MEF2A: variants seen among roughly 807,000 people sequenced by gnomAD.
MEF2A encodes myocyte enhancer factor 2A.
MEF2A carries 28 observed loss-of-function variants against 55.8 expected under a neutral mutation model. That is an observed-to-expected ratio of 0.50 (90% confidence interval 0.37 to 0.69). MEF2A has a LOEUF of 0.69. Among genes scored for constraint, MEF2A ranks in the 30% least tolerant of loss-of-function variants. MEF2A has a pLI of 0.00. For missense variants in MEF2A, 528 were observed against 626.2 expected (o/e 0.84, Z 1.67); for synonymous variants, 239 against 227.1 (o/e 1.05, Z -0.47).
intron 1 of MEF2A, among the ~76,000 whole-genome samples, chr15:99,572,712 G>C (rs953330647): frequency 6.6e-6 from 1 of 152,194 alleles, no homozygotes; most frequent in Non-Finnish European, 1.5e-5. Flanking sequence ...TCTTAGCTCA[G>C]ATGTCATCTG....
intron 4 of MEF2A, among the ~76,000 whole-genome samples, chr15:99,662,050 A>C (rs2048742461): frequency 6.6e-6 from 1 of 152,346 alleles, no homozygotes; most frequent in South Asian, 2.1e-4. Flanking sequence ...TATCATTCAC[A>C]AATAGGCATA....
intron 7 of MEF2A, among the ~76,000 whole-genome samples, chr15:99,677,173 ATTAT>A (rs1209682854): frequency 1.3e-5 from 2 of 152,052 alleles, no homozygotes; most frequent in African/African-American, 4.8e-5. Flanking sequence ...CTCAGACCTT[ATTAT>A]TTCTAACTTG....
At chr15:99,631,441 A>G (rs576885710) in intron 2 of MEF2A, among the ~76,000 whole-genome samples, 1 of 152,204 alleles carries the variant, frequency 6.6e-6, no homozygotes, top group Non-Finnish European at 1.5e-5. Flanking sequence ...GCTTTTGTAC[A>G]TGTTGTTCTC....
At chr15:99,628,119 T>G (rs1238221590) in intron 2 of MEF2A, among the ~76,000 whole-genome samples, 1 of 152,218 alleles carries the variant, frequency 6.6e-6, no homozygotes, top group Non-Finnish European at 1.5e-5. Context: ...TGTTGTTAGG[T>G]ACACTCAGAT....
At chr15:99,625,712 T>G (rs1305058699) in intron 2 of MEF2A, among the ~76,000 whole-genome samples, 1 of 152,150 alleles carries the variant, frequency 6.6e-6, no homozygotes, top group African/African-American at 2.4e-5. Context: ...CAAATCCTTT[T>G]TCAGTACTAA....
chr15:99,576,934 A>T (rs1303894200), intron 1 of MEF2A, among the ~76,000 whole-genome samples: 2 of 152,226 alleles, frequency 1.3e-5, no homozygotes, highest in East Asian at 3.8e-4. Flanking sequence ...GGCGTGAGCC[A>T]CCACGCCTGG....
chr15:99,682,546 A>G (rs1466529344), intron 7 of MEF2A, among the ~76,000 whole-genome samples: 1 of 152,206 alleles, frequency 6.6e-6, no homozygotes, highest in African/African-American at 2.4e-5. Context: ...GAAGGTACAT[A>G]TTAGGGTATA....
intron 7 of MEF2A, among the ~76,000 whole-genome samples, chr15:99,681,518 A>G (rs1036320): frequency 0.96 from 145,463 of 152,300 alleles, 69,832 homozygotes; most frequent in East Asian, 1. Flanking sequence ...GAAGTTGTAT[A>G]TGCTTCAGCA....
intron 4 of MEF2A, among the ~76,000 whole-genome samples, chr15:99,646,668 A>G (rs72760529): frequency 0.027 from 4,045 of 152,182 alleles, 76 homozygotes; most frequent in Non-Finnish European, 0.041. Flanking sequence ...TGGTATTTCT[A>G]ATATTTAAAA....
chr15:99,658,631 A>G (rs539291605), intron 4 of MEF2A, among the ~76,000 whole-genome samples: 6 of 152,132 alleles, frequency 3.9e-5, no homozygotes, highest in South Asian at 2.1e-4. Flanking sequence ...AAAACTCTAT[A>G]TAGACATAGT....
intron 4 of MEF2A, among the ~76,000 whole-genome samples, chr15:99,656,010 A>AT (rs1237575661): frequency 1.3e-4 from 20 of 152,138 alleles, no homozygotes; most frequent in Admixed American, 1.3e-3. Flanking sequence ...CTCAGTAAAG[A>AT]TTCAGCACAC....
intron 8 of MEF2A, among the ~76,000 whole-genome samples, chr15:99,698,932 G>A (rs1402107906): frequency 6.6e-6 from 1 of 151,626 alleles, no homozygotes; most frequent in Admixed American, 6.6e-5. Flanking sequence ...ATATACACTT[G>A]CTGGCCAGGC....
At chr15:99,642,126 C>T (rs1306069153) in intron 3 of MEF2A, among the ~76,000 whole-genome samples, 3 of 152,114 alleles carry the variant, frequency 2.0e-5, no homozygotes, top group Admixed American at 6.5e-5. Context: ...CTAGGTCTAA[C>T]GTTCTAGGTA....
In MEF2A at chr15:99,690,416, G is replaced by T; in HGVS notation, c.846G>T (p.Met282Ile). 6.3e-7 allele frequency: 1 copy of T among 1,598,802 alleles called. No individual in the cohort carries two copies. The highest frequency in any genetic ancestry group is 1.7e-5 in the Admixed American group (1 of 58,264). The change falls in exon 8 of 12, where the codon ATG (methionine) becomes ATT (isoleucine). Residue 282 changes from methionine to isoleucine, a missense_variant. Physicochemically the swap from Met to Ile is conservative, Grantham distance 10. Coordinates refer to ENST00000557942, the MANE Select transcript of MEF2A (RefSeq NM_001319206.4). ...TCATCCCCCCTTCAAGCAAGGGCAT[G>T]ATGCCTCCACTAGTAAGTTGAACCT... The part of the protein sequence containing the change: ...RVVIPPSSKG[M>I]MPPLSEEEEL...
intron 8 of MEF2A, among the ~76,000 whole-genome samples, chr15:99,692,248 G>A (rs1370628918): frequency 6.6e-6 from 1 of 152,162 alleles, no homozygotes; most frequent in East Asian, 1.9e-4. Context: ...TGAGTTAAAG[G>A]TTATTACTTG....
Position 99,675,510 on chromosome 15 carries a change from C to T in MEF2A, c.670+52C>T, listed in dbSNP as rs145040892. 7.0e-4 allele frequency: 1,014 copies of T among 1,445,500 alleles called. 9 individuals are homozygous for T. In the African/African-American group the frequency reaches 0.012, roughly 17 times the overall value. The allele number at this position is 1,445,500 out of a possible 1,614,324, so 89.5% of individuals were successfully genotyped here. ...TGTAGGTATCTATCCTATATGAGATCAAAGGAATGTTGTTCCTGAAATAAA... is the reference window on the plus strand; with the variant it reads ...TGTAGGTATCTATCCTATATGAGATTAAAGGAATGTTGTTCCTGAAATAAA... On this transcript the variant is annotated intron_variant, in intron 7 of 11. Transcript: ENST00000557942.
chr15:99,634,788 C>A (rs2043496425), intron 3 of MEF2A, among the ~76,000 whole-genome samples: 1 of 152,188 alleles, frequency 6.6e-6, no homozygotes, highest in South Asian at 2.1e-4. Flanking sequence ...GACTTAGCTG[C>A]TGTGTCAGCT....
intron 1 of MEF2A, among the ~76,000 whole-genome samples, chr15:99,586,063 T>C (rs1228122790): frequency 6.6e-6 from 1 of 152,220 alleles, no homozygotes; most frequent in African/African-American, 2.4e-5. Context: ...TCCTTTTATG[T>C]TTAAACTACA....
At chr15:99,696,289 C>G (rs1181920861) in intron 8 of MEF2A, among the ~76,000 whole-genome samples, 1 of 152,142 alleles carries the variant, frequency 6.6e-6, no homozygotes, top group Admixed American at 6.5e-5. Context: ...ACACATCACT[C>G]GACAACAGCA....
Sources: gnomAD v4.1 joint callset for allele counts (sites outside exome capture counted in the v4.1 genomes callset) on GRCh38, gnomAD v4.1.1 for gene constraint, MANE v1.5 for transcripts, NCBI Gene and HGNC (gene_info 2026-07-23, HGNC 2026-07-21) for gene names.